MINAR2: variants seen among roughly 807,000 people sequenced by gnomAD.
The protein encoded by MINAR2 is major intrinsically disordered NOTCH2-binding receptor 1-like.
MINAR2 carries 21 observed loss-of-function variants against 16.1 expected under a neutral mutation model. The ratio of observed to expected loss-of-function variants is 1.31; its 90% confidence interval spans 0.93 to 1.88. The LOEUF is 1.88. Among genes scored for constraint, MINAR2 ranks in the 40% most tolerant of loss-of-function variants. MINAR2 has a pLI of 0.00. For missense variants in MINAR2, 259 were observed against 229.8 expected, an observed-to-expected ratio of 1.13 and a Z score of -0.82; for synonymous variants, 86 against 83.0, an observed-to-expected ratio of 1.04 and a Z score of -0.20.
chr5:129,755,240 G>C (rs1222874359), intron 1 of MINAR2, among the ~76,000 whole-genome samples: 1 of 151,928 alleles, frequency 6.6e-6, no homozygotes, highest in Admixed American at 6.6e-5. Context: ...GTAGGATTCT[G>C]TTCAGCAATA....
intron 1 of MINAR2, among the ~76,000 whole-genome samples, chr5:129,759,259 A>T (rs979801877): frequency 6.6e-6 from 1 of 152,142 alleles, no homozygotes; most frequent in African/African-American, 2.4e-5. Flanking sequence ...ACATACATTT[A>T]CTGAAAAATA....
chr5:129,748,514 C>A (rs1427327151), intron 1 of MINAR2, among the ~76,000 whole-genome samples, 159 bp downstream of exon 1: 3 of 152,280 alleles, frequency 2.0e-5, no homozygotes, highest in East Asian at 1.9e-4. Flanking sequence ...ACATTAGGAA[C>A]TTTTCTTTAA....
Position 129,760,595 on chromosome 5 carries a change from G to A in MINAR2, c.383G>A (p.Gly128Glu). The change falls in exon 2 of 3, where the codon GGA becomes GAA. Residue 128 changes from glycine (G) to glutamate (E), a missense_variant. Gly to Glu is a moderately conservative substitution (Grantham distance 98). Transcript: ENST00000564719. ...DKHSLHTNLSGHLKENPNDLR... is the reference protein window; with the variant it reads ...DKHSLHTNLSEHLKENPNDLR... ...CATTCCCTGCACACAAACCTCTCTG[G>A]ACATCTGAAGGTACTCACGACTAAG... 6.5e-7 allele frequency: 1 copy of A among 1,534,514 alleles called. No individual in the cohort carries two copies. Among genetic ancestry groups the A allele is most frequent in the Non-Finnish European group, 8.7e-7 (1 of 1,145,736 alleles).
At chr5:129,759,874 GTTAGC>G (rs1758106276) in intron 1 of MINAR2, among the ~76,000 whole-genome samples, 1 of 152,144 alleles carries the variant, frequency 6.6e-6, no homozygotes, top group Non-Finnish European at 1.5e-5. Flanking sequence ...ACAGTGCTAA[GTTAGC>G]TTAGACCTCA....
intron 1 of MINAR2, among the ~76,000 whole-genome samples, chr5:129,756,606 AG>A (rs1758056953): frequency 6.6e-6 from 1 of 152,102 alleles, no homozygotes; most frequent in Admixed American, 6.6e-5. Context: ...TACTTCACTT[AG>A]AATAATAGTC....
In MINAR2 at chr5:129,765,277, T is replaced by C. The variant is rs1171714597; in HGVS notation, c.*214T>C. On this transcript the variant is annotated 3_prime_UTR_variant, in exon 3 of 3. Coordinates refer to ENST00000564719, the MANE Select transcript of MINAR2 (RefSeq NM_001257308.2). ...TTGTTCTATAAAAGCTTTCTAAGAGTGCCACCCTGAACTTTGGGAAGCAGG... is the reference window on the plus strand; with the variant it reads ...TTGTTCTATAAAAGCTTTCTAAGAGCGCCACCCTGAACTTTGGGAAGCAGG... The C allele has an allele frequency of 2.6e-6, 1 of 378,828 alleles. No homozygotes were observed. Among genetic ancestry groups the C allele is most frequent in the Non-Finnish European group, 4.7e-6 (1 of 214,892 alleles). The allele number at this position is 378,828 out of a possible 1,614,324, so 23.5% of individuals were successfully genotyped here. A position where few individuals can be genotyped will look rare whatever the true frequency, so the allele number is the denominator to read the frequency against.
At chr5:129,756,781 T>C (rs1189742321) in intron 1 of MINAR2, among the ~76,000 whole-genome samples, 1 of 151,786 alleles carries the variant, frequency 6.6e-6, no homozygotes, top group East Asian at 1.9e-4. Context: ...TTTACTAATG[T>C]TAACTAACTT....
In MINAR2 at chr5:129,765,818, G is replaced by A. The variant is rs1470688577; in HGVS notation, c.*755G>A. The A allele has an allele frequency of 6.6e-6, 1 of 152,156 alleles. No homozygotes were observed. Among genetic ancestry groups the A allele is most frequent in the African/African-American group, 2.4e-5 (1 of 41,426 alleles). The allele number at this position is 152,156 out of a possible 1,614,324, so 9.4% of individuals were successfully genotyped here. On this transcript the variant is annotated 3_prime_UTR_variant, in exon 3 of 3. Coordinates refer to ENST00000564719, the MANE Select transcript of MINAR2 (RefSeq NM_001257308.2). The stretch of plus-strand genomic sequence containing the variant: ...TGCATATATTACCAACCATGGTCTA[G>A]GTTGGGGGTCCCTAGGAAAGCAGAG...
At chr5:129,748,881 G>C (rs1009196629) in intron 1 of MINAR2, among the ~76,000 whole-genome samples, 18 of 152,188 alleles carry the variant, frequency 1.2e-4, no homozygotes, top group Non-Finnish European at 1.8e-4. Context: ...AAAATACAGC[G>C]AACTCGCCAC....
In MINAR2 at chr5:129,759,120, T is replaced by C. The variant is rs552032698; in HGVS notation, c.166-1258T>C. Among the ~76,000 whole-genome samples the C allele has an allele frequency of 2.6e-5, 4 of 152,164 alleles. No homozygotes were observed. The East Asian group carries it at 7.7e-4, about 29-fold the overall frequency. ...TTTAACAGTTTCCAACTTTAGCTTA[T>C]ATAATATAAATTAATGTTACCTATA... is the stretch of plus-strand genomic sequence containing the variant. On this transcript the variant is annotated intron_variant, in intron 1 of 2. Coordinates refer to ENST00000564719, the MANE Select transcript of MINAR2 (RefSeq NM_001257308.2).
rs1016659082 is a variant in MINAR2, at chr5:129,766,192, C to T, written c.*1129C>T. ...CCCCTCATTCCCACTCTTTTCTCATCTTTAAACAACCCAGCCAAAGGCTAT... is the reference window on the plus strand; with the variant it reads ...CCCCTCATTCCCACTCTTTTCTCATTTTTAAACAACCCAGCCAAAGGCTAT... On this transcript the variant is annotated 3_prime_UTR_variant, in exon 3 of 3. Coordinates refer to ENST00000564719, the MANE Select transcript of MINAR2 (RefSeq NM_001257308.2). The T allele has an allele frequency of 3.9e-5, 6 of 152,208 alleles. No individual in the cohort carries two copies. Among genetic ancestry groups the T allele is most frequent in the Non-Finnish European group, 7.3e-5 (5 of 68,048 alleles). 9.4% of individuals were successfully genotyped at this position (152,208 alleles called of 1,614,324 possible). A position where few individuals can be genotyped will look rare whatever the true frequency, so the allele number is the denominator to read the frequency against.
At chr5:129,753,438 G>A (rs189263374) in intron 1 of MINAR2, among the ~76,000 whole-genome samples, 98 of 137,074 alleles carry the variant, frequency 7.1e-4, no homozygotes, top group African/African-American at 8.4e-5. Flanking sequence ...AGCTAAGATC[G>A]TGCCACTGCA....
intron 2 of MINAR2, among the ~76,000 whole-genome samples, chr5:129,764,265 T>A (rs943206501): frequency 1.3e-5 from 2 of 152,062 alleles, no homozygotes; most frequent in African/African-American, 4.8e-5. Context: ...TGGGTCCTTT[T>A]TTCAGGAGGT....
chr5:129,751,871 A>G (rs1232415636), intron 1 of MINAR2, among the ~76,000 whole-genome samples: 1 of 152,188 alleles, frequency 6.6e-6, no homozygotes, highest in Non-Finnish European at 1.5e-5. Context: ...AATGTGATAA[A>G]ATAATGTGTT....
chr5:129,756,135 A>C (rs1758051458), intron 1 of MINAR2, among the ~76,000 whole-genome samples: 1 of 152,054 alleles, frequency 6.6e-6, no homozygotes, highest in Non-Finnish European at 1.5e-5. Flanking sequence ...TTTATAACTA[A>C]GTTGTCAATG....
chr5:129,756,957 AAC>A (rs57392261), intron 1 of MINAR2, among the ~76,000 whole-genome samples: 22 of 132,688 alleles, frequency 1.7e-4, no homozygotes, highest in South Asian at 7.1e-4. Context: ...AAAAAAAAAA[AAC>A]ACACACACAC....
Position 129,766,660 on chromosome 5 carries a change from AC to A in MINAR2, c.*1598del, listed in dbSNP as rs1561687200. 61 of 140,662 alleles carry A rather than the reference AC, an allele frequency of 4.3e-4. 1 individual carries two copies. Among genetic ancestry groups the A allele is most frequent in the African/African-American group, 1.5e-3 (53 of 35,372 alleles). 8.7% of individuals were successfully genotyped at this position (140,662 alleles called of 1,614,324 possible). On this transcript the variant is annotated 3_prime_UTR_variant, in exon 3 of 3. Transcript: ENST00000564719. Reference sequence around the variant, plus strand: ...AAAAAAAAAAAAAAAAAAAAAACAAACAAACAAACAAAAAAAACCCCAAAAA... The same window carrying A: ...AAAAAAAAAAAAAAAAAAAAAACAAAAAACAAACAAAAAAAACCCCAAAAA...
rs191688640 is a variant in MINAR2 at position 129,755,318 on chromosome 5, C to T, written c.166-5060C>T. ...CTTATACTTTTCTTTTACTGACTGC[C>T]CTCATCTGAAGTTTATACTAACTTC... is the stretch of plus-strand genomic sequence containing the variant. On this transcript the variant is annotated intron_variant, in intron 1 of 2. Transcript: ENST00000564719. Among the ~76,000 whole-genome samples, 20 of 151,912 alleles carry T rather than the reference C, an allele frequency of 1.3e-4. No homozygotes were observed. The East Asian group carries it at 3.5e-3, about 26-fold the overall frequency.
At chr5:129,757,114 A>C (rs1456778666) in intron 1 of MINAR2, among the ~76,000 whole-genome samples, 1 of 151,368 alleles carries the variant, frequency 6.6e-6, no homozygotes, top group African/African-American at 2.4e-5. Flanking sequence ...ATCTTCTGCT[A>C]TATAGAGCAC....
Sources: gnomAD v4.1 joint callset for allele counts (sites outside exome capture counted in the v4.1 genomes callset) on GRCh38, gnomAD v4.1.1 for gene constraint, MANE v1.5 for transcripts, NCBI Gene and HGNC (gene_info 2026-07-23, HGNC 2026-07-21) for gene names.